CFAP299: variants seen among roughly 807,000 people sequenced by gnomAD.
CFAP299 encodes the protein cilia- and flagella-associated protein 299.
CFAP299 carries 21 observed loss-of-function variants against 27.0 expected under a neutral mutation model. The observed-to-expected ratio is 0.78, with a 90% CI of 0.55 to 1.12. The LOEUF (loss-of-function observed/expected upper bound fraction) is 1.12. Among genes scored for constraint, CFAP299 ranks in the 50% most tolerant of loss-of-function variants. The pLI is 0.00. For missense variants in CFAP299, 310 were observed against 276.6 expected, an observed-to-expected ratio of 1.12 and a Z score of -0.86; for synonymous variants, 104 against 98.1, an observed-to-expected ratio of 1.06 and a Z score of -0.36.
intron 3 of CFAP299, among the ~76,000 whole-genome samples, chr4:80,809,982 C>A (rs1251201385): frequency 6.6e-6 from 1 of 151,902 alleles, no homozygotes; most frequent in East Asian, 1.9e-4. Context: ...TGATAATGTC[C>A]TTGTTTTTGG....
intron 3 of CFAP299, among the ~76,000 whole-genome samples, chr4:80,711,577 G>A (rs187624552): frequency 6.6e-4 from 100 of 152,218 alleles, no homozygotes; most frequent in African/African-American, 2.4e-3. Flanking sequence ...TTTTACGGAT[G>A]AGGAAACTGG....
At chr4:80,893,459 A>T (rs1212272092) in intron 4 of CFAP299, among the ~76,000 whole-genome samples, 1 of 151,928 alleles carries the variant, frequency 6.6e-6, no homozygotes, top group African/African-American at 2.4e-5. Context: ...CATTACACTG[A>T]GTGATTTCAA....
chr4:80,708,574 G>C (rs921131442), intron 3 of CFAP299, among the ~76,000 whole-genome samples: 2 of 152,044 alleles, frequency 1.3e-5, no homozygotes, highest in Non-Finnish European at 2.9e-5. Context: ...TTTTAAGCTA[G>C]TGTTAAAATA....
chr4:80,638,104 A>T (rs1739541598), intron 3 of CFAP299, among the ~76,000 whole-genome samples: 1 of 152,190 alleles, frequency 6.6e-6, no homozygotes, highest in Non-Finnish European at 1.5e-5. Flanking sequence ...TTATTGACAG[A>T]TGAGAAACTG....
At chr4:80,397,667 G>T (rs1578399118) in intron 2 of CFAP299, among the ~76,000 whole-genome samples, 1 of 152,032 alleles carries the variant, frequency 6.6e-6, no homozygotes, top group Non-Finnish European at 1.5e-5. Flanking sequence ...CAATAAATTA[G>T]GTATTGATGG....
At chr4:80,605,221 A>G (rs1159163422) in intron 3 of CFAP299, among the ~76,000 whole-genome samples, 1 of 152,182 alleles carries the variant, frequency 6.6e-6, no homozygotes, top group Non-Finnish European at 1.5e-5. Context: ...GATGATTTTC[A>G]TTGAAGAAAT....
At chr4:80,426,371 G>T (rs1443730084) in intron 2 of CFAP299, among the ~76,000 whole-genome samples, 5 of 151,736 alleles carry the variant, frequency 3.3e-5, no homozygotes, top group African/African-American at 2.4e-5. Context: ...TTTTTATATT[G>T]GAATATGGAG....
chr4:80,913,434 A>G (rs1735579224), intron 4 of CFAP299, among the ~76,000 whole-genome samples: 1 of 152,180 alleles, frequency 6.6e-6, no homozygotes, highest in South Asian at 2.1e-4. Context: ...TAGCTAAGGA[A>G]CACATTGCTC....
At chr4:80,907,015 A>C (rs142214683) in intron 4 of CFAP299, among the ~76,000 whole-genome samples, 39 of 152,234 alleles carry the variant, frequency 2.6e-4, no homozygotes, top group African/African-American at 8.4e-4. Flanking sequence ...TCAGGCTACA[A>C]ATTTTTCCAA....
At chr4:80,485,414 G>T (rs966068951) in intron 2 of CFAP299, among the ~76,000 whole-genome samples, 2 of 151,850 alleles carry the variant, frequency 1.3e-5, no homozygotes, top group African/African-American at 4.8e-5. Context: ...GAAGGGGGTT[G>T]TTCTTGACTA....
At chr4:80,563,917 A>G (rs1010086981) in intron 2 of CFAP299, among the ~76,000 whole-genome samples, 10 of 152,012 alleles carry the variant, frequency 6.6e-5, no homozygotes, top group African/African-American at 2.4e-4. Flanking sequence ...ACCATGAGCA[A>G]CTATGAGTTG....
intron 2 of CFAP299, among the ~76,000 whole-genome samples, chr4:80,514,864 T>G (rs1732505846): frequency 6.6e-6 from 1 of 152,140 alleles, no homozygotes; most frequent in African/African-American, 2.4e-5. Flanking sequence ...AATAGTAATT[T>G]AGTAATCTCA....
At chr4:80,378,088 T>C (rs926017638) in intron 2 of CFAP299, among the ~76,000 whole-genome samples, 2 of 152,152 alleles carry the variant, frequency 1.3e-5, no homozygotes, top group Non-Finnish European at 2.9e-5. Flanking sequence ...GGAGATACAA[T>C]TAAAGTTGAG....
At chr4:80,910,377 A>G (rs779234706) in intron 4 of CFAP299, among the ~76,000 whole-genome samples, 5 of 152,172 alleles carry the variant, frequency 3.3e-5, no homozygotes, top group Non-Finnish European at 5.9e-5. Flanking sequence ...AGACACGTGC[A>G]TGAATGTGTT....
At chr4:80,597,523 A>C (rs1737114441) in intron 3 of CFAP299, among the ~76,000 whole-genome samples, 1 of 152,060 alleles carries the variant, frequency 6.6e-6, no homozygotes, top group Non-Finnish European at 1.5e-5. Context: ...GAAAGTTCCA[A>C]ATTTTAACGT....
rs34671713 is a variant in CFAP299, at chr4:80,476,960, C to CGTGTGT, written c.243-106114_243-106109dup. ...GTGTGTGTGCGTGTGTGTGCGCATGCGTGTGTGTGTGTGTGTGTGTGTGTC... is the reference window on the plus strand; with the variant it reads ...GTGTGTGTGCGTGTGTGTGCGCATGCGTGTGTGTGTGTGTGTGTGTGTGTGTGTGTC... On this transcript the variant is annotated intron_variant, in intron 2 of 5. Coordinates refer to ENST00000358105, the MANE Select transcript of CFAP299 (RefSeq NM_152770.3). Among the ~76,000 whole-genome samples the CGTGTGT allele has an allele frequency of 2.4e-4, 26 of 106,680 alleles. No homozygotes were observed. The South Asian group carries it at 5.4e-3, about 22-fold the overall frequency. The allele number at this position is 106,680 out of a possible 152,430, so 70.0% of individuals were successfully genotyped here.
intron 2 of CFAP299, among the ~76,000 whole-genome samples, chr4:80,473,281 C>T (rs929112556): frequency 1.3e-5 from 2 of 152,010 alleles, no homozygotes; most frequent in Non-Finnish European, 2.9e-5. Flanking sequence ...AAAAGAAGAT[C>T]CTAGGCACAA....
intron 5 of CFAP299, among the ~76,000 whole-genome samples, chr4:80,960,201 G>A (rs1315091314): frequency 6.6e-6 from 1 of 151,616 alleles, no homozygotes; most frequent in Non-Finnish European, 1.5e-5. Flanking sequence ...TAAAATTGTA[G>A]CACATCTCAT....
chr4:80,653,188 A>C (rs995182115), intron 3 of CFAP299, among the ~76,000 whole-genome samples: 2 of 152,026 alleles, frequency 1.3e-5, no homozygotes, highest in African/African-American at 4.8e-5. Context: ...TTTCATACTT[A>C]TCCAAAACCT....
Sources: gnomAD v4.1 joint callset for allele counts (sites outside exome capture counted in the v4.1 genomes callset) on GRCh38, gnomAD v4.1.1 for gene constraint, MANE v1.5 for transcripts, NCBI Gene and HGNC (gene_info 2026-07-23, HGNC 2026-07-21) for gene names.